The following CADPS2 variants were observed in gnomAD, a reference collection of about 807,000 sequenced individuals.
CADPS2 encodes the protein calcium-dependent secretion activator 2.
A neutral mutation model predicts 172.5 loss-of-function variants in CADPS2; 93 were observed. The ratio of observed to expected loss-of-function variants is 0.54; its 90% CI spans 0.46 to 0.64. The LOEUF (loss-of-function observed/expected upper bound fraction) is 0.64. CADPS2 is among the 30% of genes least tolerant of loss of function. The pLI, the probability that CADPS2 is intolerant of heterozygous loss-of-function variation, is 0.00. For missense variants in CADPS2, 1,420 were observed against 1,565.9 expected, an observed-to-expected ratio of 0.91 and a Z score of 1.57; for synonymous variants, 546 against 555.2, an observed-to-expected ratio of 0.98 and a Z score of 0.23.
chr7:122,541,865 A>G (rs1034154269), intron 8 of CADPS2, among the ~76,000 whole-genome samples: 9 of 130,808 alleles, frequency 6.9e-5, no homozygotes, highest in East Asian at 2.3e-4. Context: ...ATTTATATAT[A>G]TGCATATATA....
At chr7:122,880,668 T>TAC (rs1025965631) in intron 1 of CADPS2, among the ~76,000 whole-genome samples, 5 of 152,204 alleles carry the variant, frequency 3.3e-5, no homozygotes, top group African/African-American at 1.2e-4. Flanking sequence ...TACCTTGGGG[T>TAC]ACAACCTGGA....
chr7:122,325,639 A>T, intron 28 of CADPS2, 58 bp from the exon 29 acceptor site: 1 of 1,043,206 alleles, frequency 9.6e-7, no homozygotes, highest in Non-Finnish European at 1.5e-6. Context: ...CAACCTCTGC[A>T]GTATTCATTT....
At chr7:122,775,623 T>A (rs2093854875) in intron 1 of CADPS2, among the ~76,000 whole-genome samples, 1 of 152,238 alleles carries the variant, frequency 6.6e-6, no homozygotes, top group African/African-American at 2.4e-5. Flanking sequence ...ACCTTTAATT[T>A]AGCATATCTG....
At chr7:122,541,458 A>T (rs2062937488) in intron 8 of CADPS2, among the ~76,000 whole-genome samples, 1 of 147,366 alleles carries the variant, frequency 6.8e-6, no homozygotes, top group Admixed American at 6.8e-5. Context: ...CGCCCGCCTC[A>T]GCCTCCCAAA....
intron 2 of CADPS2, among the ~76,000 whole-genome samples, chr7:122,671,090 C>T (rs973105745): frequency 6.6e-6 from 1 of 152,144 alleles, no homozygotes; most frequent in East Asian, 1.9e-4. Context: ...GATCCTGTAT[C>T]GTACGCTGTT....
At chr7:122,397,035 G>C (rs2045238269) in intron 20 of CADPS2, among the ~76,000 whole-genome samples, 1 of 152,058 alleles carries the variant, frequency 6.6e-6, no homozygotes, top group Admixed American at 6.6e-5. Flanking sequence ...AAAATATATA[G>C]CATTAAATAA....
intron 2 of CADPS2, chr7:122,702,610 C>T: frequency 6.2e-7 from 1 of 1,613,614 alleles, no homozygotes; most frequent in Non-Finnish European, 8.5e-7. Flanking sequence ...CATTTCCAAC[C>T]TGAAATGTTA....
At chr7:122,411,806 T>C (rs985781504) in intron 19 of CADPS2, among the ~76,000 whole-genome samples, 7 of 152,116 alleles carry the variant, frequency 4.6e-5, no homozygotes, top group African/African-American at 1.2e-4. Context: ...AATATTTAAG[T>C]TCTCTTGAGG....
At chr7:122,885,946 G>A (rs1824246443) in intron 1 of CADPS2, 53 bp downstream of exon 1, 2 of 1,564,542 alleles carry the variant, frequency 1.3e-6, no homozygotes, top group South Asian at 1.2e-5. Flanking sequence ...GCTCTCCCGG[G>A]AGAAAAACCC....
intron 1 of CADPS2, among the ~76,000 whole-genome samples, chr7:122,775,953 A>G (rs1408277228): frequency 7.1e-6 from 1 of 140,524 alleles, no homozygotes; most frequent in Non-Finnish European, 1.5e-5. Flanking sequence ...CATTTGGTAC[A>G]GTATTTATTC....
intron 8 of CADPS2, among the ~76,000 whole-genome samples, chr7:122,538,119 T>C (rs1314206899): frequency 7.0e-6 from 1 of 142,548 alleles, no homozygotes. Flanking sequence ...TCCCAATGAC[T>C]GAAAAATCCC....
At chr7:122,764,493 A>C (rs765483954) in intron 1 of CADPS2, among the ~76,000 whole-genome samples, 1 of 151,996 alleles carries the variant, frequency 6.6e-6, no homozygotes, top group Non-Finnish European at 1.5e-5. Flanking sequence ...CAAATAGTCT[A>C]TCTTTGTGGA....
At chr7:122,454,348 C>T (rs973087565) in intron 14 of CADPS2, among the ~76,000 whole-genome samples, 2 of 152,060 alleles carry the variant, frequency 1.3e-5, no homozygotes, top group African/African-American at 4.8e-5. Context: ...CAAGGTCACA[C>T]CGCTGGGAAA....
intron 25 of CADPS2, among the ~76,000 whole-genome samples, chr7:122,378,447 C>G (rs118125421): frequency 3.3e-5 from 5 of 152,192 alleles, no homozygotes; most frequent in African/African-American, 1.2e-4. Context: ...AAATAGTATA[C>G]TATTGTAGCT....
intron 1 of CADPS2, among the ~76,000 whole-genome samples, chr7:122,757,311 G>A (rs1311374003): frequency 6.6e-6 from 1 of 151,976 alleles, no homozygotes; most frequent in African/African-American, 2.4e-5. Flanking sequence ...ACCATGACCA[G>A]CTAATTTTTG....
chr7:122,412,161 G>A (rs2047392315), intron 19 of CADPS2, among the ~76,000 whole-genome samples: 1 of 152,092 alleles, frequency 6.6e-6, no homozygotes, highest in African/African-American at 2.4e-5. Flanking sequence ...TTGGTCAGAG[G>A]CTAATATAAC....
At chr7:122,420,210 C>T (rs910619967) in intron 17 of CADPS2, among the ~76,000 whole-genome samples, 6 of 152,240 alleles carry the variant, frequency 3.9e-5, no homozygotes, top group Admixed American at 1.3e-4. Context: ...GCCCCCATTC[C>T]ACATCTTTAG....
chr7:122,470,586 C>T (rs926356929), intron 14 of CADPS2, among the ~76,000 whole-genome samples: 1 of 151,984 alleles, frequency 6.6e-6, no homozygotes, highest in African/African-American at 2.4e-5. Flanking sequence ...CCTCTGCCTC[C>T]CGGGTTCAAG....
chr7:122,400,702 C>T (rs10276116), intron 20 of CADPS2, among the ~76,000 whole-genome samples: 1 of 152,176 alleles, frequency 6.6e-6, no homozygotes, highest in South Asian at 2.1e-4. Flanking sequence ...ACTAATCTGG[C>T]ATGCACAGAT....
Sources: allele counts gnomAD v4.1 joint callset (sites outside exome capture counted in the v4.1 genomes callset), GRCh38; gene constraint gnomAD v4.1.1; transcripts MANE v1.5; gene names NCBI Gene and HGNC (gene_info 2026-07-23, HGNC 2026-07-21).